Variants in SMOC2 observed in about 807,000 individuals in gnomAD.
The protein encoded by SMOC2 is SPARC related modular calcium binding 2.
A neutral mutation model predicts 61.4 loss-of-function variants in SMOC2; 39 were observed. The ratio of observed to expected loss-of-function variants is 0.64; its 90% CI spans 0.49 to 0.83. The LOEUF (loss-of-function observed/expected upper bound fraction) is 0.83, where lower values mean the gene tolerates loss of function less well. SMOC2 is among the 40% of genes least tolerant of loss of function. The pLI is 0.00. For synonymous variants in SMOC2, 247 were observed against 239.9 expected, an observed-to-expected ratio of 1.03 and a Z score of -0.27; for missense variants, 556 against 592.9, an observed-to-expected ratio of 0.94 and a Z score of 0.65.
intron 7 of SMOC2, among the ~76,000 whole-genome samples, chr6:168,570,221 G>C (rs16887137): frequency 0.11 from 17,288 of 152,040 alleles, 1,162 homozygotes; most frequent in African/African-American, 0.17. Flanking sequence ...GCAGCCGAAT[G>C]GGAATAGAAC....
chr6:168,548,390 T>C (rs569501725), intron 6 of SMOC2, among the ~76,000 whole-genome samples: 1 of 151,880 alleles, frequency 6.6e-6, no homozygotes, highest in South Asian at 2.1e-4. Flanking sequence ...GTTTTGCTTT[T>C]GTTGCCCAGG....
chr6:168,577,805 G>A (rs1784841833), intron 7 of SMOC2, among the ~76,000 whole-genome samples: 1 of 152,210 alleles, frequency 6.6e-6, no homozygotes, highest in Admixed American at 6.5e-5. Context: ...GCAACGCATG[G>A]GGCCTGGAGG....
chr6:168,645,044 A>G (rs948434381), intron 9 of SMOC2, among the ~76,000 whole-genome samples: 2 of 152,202 alleles, frequency 1.3e-5, no homozygotes, highest in South Asian at 2.1e-4. Flanking sequence ...CAATAAAGGA[A>G]CTTAAAATCC....
Position 168,453,282 on chromosome 6 carries a change from G to A in SMOC2, c.84+11828G>A, listed in dbSNP as rs987188789. 3.3e-5 allele frequency among the ~76,000 whole-genome samples: 5 copies of A among 152,300 alleles called. No individual in the cohort carries two copies. The highest frequency in any genetic ancestry group is 3.9e-4 in the East Asian group (2 of 5,178). ...TGTGGGGCAGCCAGGGGGTGTGGTG[G>A]CCTCAAGGCTCCGTCACCCTGCGGC... is the stretch of plus-strand genomic sequence containing the variant. On this transcript the variant is annotated intron_variant, in intron 1 of 12. Coordinates refer to ENST00000356284, the MANE Select transcript of SMOC2 (RefSeq NM_001166412.2). This position sits in a 1 kb window ranked among gnomAD's most constrained non-coding sequence, Gnocchi z 4.4.
At chr6:168,526,264 C>A in intron 2 of SMOC2, 82 bp from the exon 3 acceptor site, 1 of 1,306,660 alleles carries the variant, frequency 7.7e-7, no homozygotes. Context: ...TAACTCATGC[C>A]TTCACATCTT....
At chr6:168,469,774 G>A (rs1434887874) in intron 1 of SMOC2, among the ~76,000 whole-genome samples, 2 of 152,068 alleles carry the variant, frequency 1.3e-5, no homozygotes, top group African/African-American at 2.4e-5. Context: ...GTGCAGCCTC[G>A]TTAGGAGTGC....
rs1299567047 is a variant in SMOC2 at position 168,600,422 on chromosome 6, CAAAA to C, written c.824+1426_824+1429del. On this transcript the variant is annotated intron_variant, in intron 8 of 12. Transcript: ENST00000356284. ...AACTCTGCCTCAAAAAAAAAAAAAA[CAAAA>C]AAAAAAACAAAAAAAAAAACAGTAG... Among the ~76,000 whole-genome samples, 51 of 25,956 alleles carry C rather than the reference CAAAA, an allele frequency of 2.0e-3. 1 individual carries two copies. Among genetic ancestry groups the C allele is most frequent in the African/African-American group, 5.3e-3 (46 of 8,758 alleles). The allele number at this position is 25,956 out of a possible 152,430, so 17.0% of individuals were successfully genotyped here.
At chr6:168,633,894 TG>T in intron 9 of SMOC2, among the ~76,000 whole-genome samples, 1 of 152,176 alleles carries the variant, frequency 6.6e-6, no homozygotes, top group Admixed American at 6.5e-5. Context: ...AATTTAATCA[TG>T]GGGGTGGTTA....
intron 11 of SMOC2, among the ~76,000 whole-genome samples, chr6:168,660,682 G>A: frequency 6.6e-6 from 1 of 152,212 alleles, no homozygotes; most frequent in East Asian, 1.9e-4. Context: ...AGAAGCATGA[G>A]AGGCTGAGCC....
intron 9 of SMOC2, among the ~76,000 whole-genome samples, chr6:168,627,307 T>C (rs1483093683): frequency 2.0e-5 from 3 of 152,178 alleles, no homozygotes; most frequent in African/African-American, 7.2e-5. Context: ...TTTGTTGAGA[T>C]TTAGGTGAGT....
intron 2 of SMOC2, among the ~76,000 whole-genome samples, chr6:168,521,006 A>AT (rs1400047775): frequency 2.0e-5 from 3 of 152,184 alleles, no homozygotes; most frequent in Non-Finnish European, 4.4e-5. Flanking sequence ...TTCTTGCCTA[A>AT]TCCTGTTTTG....
intron 2 of SMOC2, among the ~76,000 whole-genome samples, chr6:168,514,170 A>C (rs1395702378): frequency 6.6e-6 from 1 of 152,112 alleles, no homozygotes; most frequent in Non-Finnish European, 1.5e-5. Flanking sequence ...TTTACTCTGC[A>C]TCTGAGAAAA....
Position 168,527,714 on chromosome 6 carries a change from G to T in SMOC2, c.450G>T (p.Thr150=), listed in dbSNP as rs1001617738. ...PISGTAVAHK[T]PRCPGSVNEK... ...GCGGCACTGCCGTGGCCCACAAGAC[G>T]CCCCGGTGCCCGGGTAGGTCTGACG... The change falls in exon 4 of 13, where the codon ACG becomes ACT. Residue 150 remains threonine (T), a synonymous_variant. Coordinates refer to ENST00000356284, the MANE Select transcript of SMOC2 (RefSeq NM_001166412.2). 2 of 1,550,846 alleles carry T rather than the reference G, an allele frequency of 1.3e-6. No individual in the cohort carries two copies. The highest frequency in any genetic ancestry group is 2.7e-5 in the African/African-American group (2 of 73,128).
At chr6:168,459,191 C>T (rs898296905) in intron 1 of SMOC2, among the ~76,000 whole-genome samples, 14 of 152,184 alleles carry the variant, frequency 9.2e-5, no homozygotes, top group African/African-American at 2.7e-4. Flanking sequence ...CTGGAGCAAA[C>T]GGTTTGACAG....
intron 3 of SMOC2, 42 bp from the exon 4 acceptor site, chr6:168,527,586 C>CA (rs1248708017): frequency 6.9e-6 from 10 of 1,450,248 alleles, no homozygotes; most frequent in Admixed American, 3.9e-5. Flanking sequence ...GGCGCTGCGC[C>CA]ACGGGCCCGG....
intron 7 of SMOC2, among the ~76,000 whole-genome samples, chr6:168,560,310 G>T (rs1358985119): frequency 6.6e-6 from 1 of 152,198 alleles, no homozygotes; most frequent in Non-Finnish European, 1.5e-5. Context: ...GGCAAACGAA[G>T]AAGTCATTTC....
At chr6:168,549,249 T>C (rs373962714) in intron 7 of SMOC2, 46 bp downstream of exon 7, 1 of 1,570,224 alleles carries the variant, frequency 6.4e-7, no homozygotes. Context: ...ATTTAATAGA[T>C]CTAGAAAATG....
chr6:168,657,899 A>G (rs898653265), intron 11 of SMOC2, among the ~76,000 whole-genome samples: 1 of 152,032 alleles, frequency 6.6e-6, no homozygotes, highest in Non-Finnish European at 1.5e-5. Flanking sequence ...AAACCTCCCA[A>G]CGCCTCTGTA....
intron 1 of SMOC2, among the ~76,000 whole-genome samples, chr6:168,467,798 A>G (rs375649263): frequency 6.6e-6 from 1 of 152,146 alleles, no homozygotes; most frequent in Non-Finnish European, 1.5e-5. Context: ...GAGATGTCCT[A>G]TTGAGTTTAT....
Sources: gnomAD v4.1 joint callset for allele counts (sites outside exome capture counted in the v4.1 genomes callset) on GRCh38, gnomAD v4.1.1 for gene constraint, Gnocchi (gnomAD v3.1) non-coding constraint, MANE v1.5 for transcripts, NCBI Gene and HGNC (gene_info 2026-07-23, HGNC 2026-07-21) for gene names.